The following TNFRSF19 variants were observed in gnomAD, a reference collection of about 807,000 sequenced individuals.
TNFRSF19 encodes the protein TNF receptor superfamily member 19, also known as tumor necrosis factor receptor superfamily member 19.
TNFRSF19 carries 27 observed loss-of-function variants against 46.4 expected under a neutral mutation model. That is an observed-to-expected ratio of 0.58 (90% CI 0.43 to 0.80). The LOEUF (loss-of-function observed/expected upper bound fraction) is 0.80, where lower values mean the gene tolerates loss of function less well. Ranked by LOEUF, TNFRSF19 falls within the 30% of genes least tolerant of loss-of-function variation. TNFRSF19 has a pLI of 0.00. For missense variants in TNFRSF19, 511 were observed against 530.8 expected (o/e 0.96, Z 0.37); for synonymous variants, 204 against 205.0 (o/e 1.00, Z 0.04).
At chr13:23,593,114 G>T (rs944912322) in intron 2 of TNFRSF19, among the ~76,000 whole-genome samples, 2 of 152,042 alleles carry the variant, frequency 1.3e-5, no homozygotes, top group Non-Finnish European at 2.9e-5. Context: ...CCTGTTTAGA[G>T]AATCAATGAG....
In TNFRSF19 at chr13:23,590,175, A is replaced by T; in HGVS notation, c.-9A>T. On this transcript the variant is annotated 5_prime_UTR_variant, in exon 2 of 10. Coordinates refer to ENST00000248484, the MANE Select transcript of TNFRSF19 (RefSeq NM_148957.4). ...AACTCTCCAACAATAAATACATTTGATAAGAAAGATGGCTTTAAAAGTGCT... is the reference window on the plus strand; with the variant it reads ...AACTCTCCAACAATAAATACATTTGTTAAGAAAGATGGCTTTAAAAGTGCT... 1 of 1,568,402 alleles carries T rather than the reference A, an allele frequency of 6.4e-7. No homozygotes were observed. Among genetic ancestry groups the T allele is most frequent in the Non-Finnish European group, 8.7e-7 (1 of 1,148,534 alleles).
chr13:23,596,466 C>G (rs1879735020), intron 3 of TNFRSF19, among the ~76,000 whole-genome samples: 2 of 152,064 alleles, frequency 1.3e-5, no homozygotes, highest in African/African-American at 4.8e-5. Flanking sequence ...TGATAAAAGA[C>G]TTTAAAGCAA....
intron 2 of TNFRSF19, among the ~76,000 whole-genome samples, chr13:23,591,601 C>T (rs570075713): frequency 2.2e-4 from 33 of 151,920 alleles, no homozygotes; most frequent in Non-Finnish European, 4.3e-4. Flanking sequence ...ATTTCTTTCT[C>T]TTTACGGTCT....
intron 4 of TNFRSF19, 137 bp from the exon 5 acceptor site, chr13:23,626,570 C>T: frequency 1.4e-6 from 1 of 707,928 alleles, no homozygotes; most frequent in Non-Finnish European, 2.3e-6. Context: ...AAAAATGTGT[C>T]TACCTAAGAT....
At chr13:23,606,381 T>C (rs571865183) in intron 3 of TNFRSF19, among the ~76,000 whole-genome samples, 1 of 152,180 alleles carries the variant, frequency 6.6e-6, no homozygotes, top group African/African-American at 2.4e-5. Context: ...CCAGGACAAA[T>C]TGAATGAGGA....
chr13:23,585,419 A>G (rs1260145641), intron 1 of TNFRSF19: 3 of 152,212 alleles, frequency 2.0e-5, no homozygotes, highest in Non-Finnish European at 4.4e-5. Flanking sequence ...ATTATAATAT[A>G]ATTTTCTTTC....
chr13:23,577,999 T>C (rs1306785892), intron 1 of TNFRSF19, among the ~76,000 whole-genome samples: 1 of 151,970 alleles, frequency 6.6e-6, no homozygotes, highest in Admixed American at 6.6e-5. Flanking sequence ...GAGAGGACGA[T>C]GGGGGACTGC....
intron 4 of TNFRSF19, among the ~76,000 whole-genome samples, chr13:23,625,804 A>C (rs551460004): frequency 6.6e-6 from 1 of 152,258 alleles, no homozygotes; most frequent in South Asian, 2.1e-4. Context: ...ACATATACCT[A>C]TTGGCCTACA....
At chr13:23,603,010 A>T (rs1880271059) in intron 3 of TNFRSF19, among the ~76,000 whole-genome samples, 2 of 152,058 alleles carry the variant, frequency 1.3e-5, no homozygotes, top group African/African-American at 4.8e-5. Flanking sequence ...AGCAGAAATC[A>T]ATGAAATTAA....
At chr13:23,607,131 A>G (rs1241046288) in intron 3 of TNFRSF19, among the ~76,000 whole-genome samples, 1 of 152,096 alleles carries the variant, frequency 6.6e-6, no homozygotes, top group Non-Finnish European at 1.5e-5. Flanking sequence ...TTAAAGCTTG[A>G]GATATTAAAT....
chr13:23,617,289 A>G (rs1330765469), intron 4 of TNFRSF19, among the ~76,000 whole-genome samples: 1 of 152,198 alleles, frequency 6.6e-6, no homozygotes, highest in East Asian at 1.9e-4. Flanking sequence ...GTGCGAACGC[A>G]GAAGCCTTAA....
intron 7 of TNFRSF19, among the ~76,000 whole-genome samples, chr13:23,664,825 C>G (rs983518813): frequency 6.6e-6 from 1 of 152,126 alleles, no homozygotes; most frequent in Non-Finnish European, 1.5e-5. Flanking sequence ...CAAACCTGTA[C>G]GGCATGTGAC....
rs142107648 is a variant in TNFRSF19, at chr13:23,643,655, CAAT to C, written c.446-15394_446-15392del. On this transcript the variant is annotated intron_variant, in intron 5 of 9. Transcript: ENST00000248484. ...TAACAGGCTGAGGATGGCAATAAAA[CAAT>C]GATGGGCAGGCAGCCAGAGGAAAAC... Among the ~76,000 whole-genome samples the C allele has an allele frequency of 3.5e-3, 539 of 152,310 alleles. 1 individual carries two copies. Among genetic ancestry groups the C allele is most frequent in the African/African-American group, 0.012 (511 of 41,566 alleles).
chr13:23,647,386 C>G (rs1430849980), intron 5 of TNFRSF19, among the ~76,000 whole-genome samples: 2 of 152,030 alleles, frequency 1.3e-5, no homozygotes, highest in Admixed American at 1.3e-4. Context: ...TCCTCTATGT[C>G]TTTTTCTAAG....
chr13:23,645,732 C>T (rs753414292), intron 5 of TNFRSF19, among the ~76,000 whole-genome samples: 9 of 152,180 alleles, frequency 5.9e-5, no homozygotes, highest in East Asian at 5.8e-4. Context: ...TGGCTTTGGA[C>T]GTTACCTATG....
intron 4 of TNFRSF19, among the ~76,000 whole-genome samples, chr13:23,619,561 T>TAA (rs898468268): frequency 2.0e-5 from 3 of 147,952 alleles, no homozygotes; most frequent in Non-Finnish European, 4.5e-5. Context: ...ATCTGTGCCT[T>TAA]AAAAAAAAAA....
In TNFRSF19 at chr13:23,663,027, G is replaced by C. The variant is rs547832249; in HGVS notation, c.736+2537G>C. Among the ~76,000 whole-genome samples the C allele has an allele frequency of 1.5e-4, 23 of 152,204 alleles. 1 individual carries two copies. In the South Asian group the frequency reaches 4.6e-3, roughly 30 times the overall value. The stretch of plus-strand genomic sequence containing the variant: ...CTTTGTTTCTTTCTTTTGCCTGATT[G>C]CCCTGGCTAGGATTTCCCATACTGT... On this transcript the variant is annotated intron_variant, in intron 7 of 9. Coordinates refer to ENST00000248484, the MANE Select transcript of TNFRSF19 (RefSeq NM_148957.4).
intron 5 of TNFRSF19, among the ~76,000 whole-genome samples, chr13:23,627,521 A>G (rs1457420616): frequency 1.3e-5 from 2 of 152,204 alleles, no homozygotes; most frequent in Non-Finnish European, 2.9e-5. Context: ...AACCTGGTCA[A>G]TAGAAACCCA....
At chr13:23,577,745 T>C (rs1878060059) in intron 1 of TNFRSF19, among the ~76,000 whole-genome samples, 1 of 152,132 alleles carries the variant, frequency 6.6e-6, no homozygotes, top group South Asian at 2.1e-4. Flanking sequence ...GCGCAGTTTA[T>C]AAAGCCTGCT....
Sources: gnomAD v4.1 joint callset for allele counts (sites outside exome capture counted in the v4.1 genomes callset) on GRCh38, gnomAD v4.1.1 for gene constraint, MANE v1.5 for transcripts, NCBI Gene and HGNC (gene_info 2026-07-23, HGNC 2026-07-21) for gene names.